EXOC4: variants seen among roughly 807,000 people sequenced by gnomAD.
EXOC4 encodes exocyst complex component 4.
A neutral mutation model predicts 107.2 loss-of-function variants in EXOC4; 71 were observed. The ratio of observed to expected loss-of-function variants is 0.66; its 90% confidence interval spans 0.55 to 0.81. The LOEUF (loss-of-function observed/expected upper bound fraction) is 0.81, where lower values mean the gene tolerates loss of function less well. Ranked by LOEUF, EXOC4 falls within the 30% of genes least tolerant of loss-of-function variation. EXOC4 has a pLI of 0.00. For synonymous variants in EXOC4, 456 were observed against 441.2 expected (o/e 1.03, Z -0.42); for missense variants, 1,108 against 1,189.6 (o/e 0.93, Z 1.01).
chr7:134,073,369 C>T, the EXOC4 span, among the ~76,000 whole-genome samples: 1 of 152,018 alleles, frequency 6.6e-6, no homozygotes, highest in South Asian at 2.1e-4. Flanking sequence ...ATTGTTTCAG[C>T]CCCCTCCCCA....
At chr7:133,885,269 G>T (rs1402719453) in intron 11 of EXOC4, among the ~76,000 whole-genome samples, 1 of 150,760 alleles carries the variant, frequency 6.6e-6, no homozygotes, top group Admixed American at 6.6e-5. Context: ...AGCCAAGATC[G>T]CGCTGCTGCA....
At chr7:133,944,877 A>G (rs1041606048) in intron 14 of EXOC4, among the ~76,000 whole-genome samples, 9 of 152,172 alleles carry the variant, frequency 5.9e-5, no homozygotes, top group Non-Finnish European at 1.2e-4. Context: ...AATGTATACA[A>G]CCATATTAAT....
chr7:134,019,294 T>C (rs1036812903), intron 17 of EXOC4, among the ~76,000 whole-genome samples: 2 of 152,176 alleles, frequency 1.3e-5, no homozygotes, highest in Non-Finnish European at 2.9e-5. Flanking sequence ...ATAGTTTTTG[T>C]ACCTAGCTTT....
chr7:133,947,655 C>T (rs1044927708), intron 14 of EXOC4, among the ~76,000 whole-genome samples: 4 of 152,192 alleles, frequency 2.6e-5, no homozygotes, highest in Non-Finnish European at 4.4e-5. Flanking sequence ...ACCCCACCCC[C>T]CTCCGTAAGG....
At chr7:133,724,530 T>C (rs1255352803) in intron 10 of EXOC4, among the ~76,000 whole-genome samples, 1 of 152,212 alleles carries the variant, frequency 6.6e-6, no homozygotes, top group Non-Finnish European at 1.5e-5. Flanking sequence ...TCTGGAGTTA[T>C]ATTAGTGACA....
chr7:133,658,478 C>T (rs1348673587), intron 10 of EXOC4, among the ~76,000 whole-genome samples: 3 of 152,162 alleles, frequency 2.0e-5, no homozygotes, highest in African/African-American at 7.2e-5. Flanking sequence ...TATGGCCAGG[C>T]TGCTATGGGG....
At chr7:133,847,875 A>ATTTTTTTT (rs55923568) in intron 11 of EXOC4, among the ~76,000 whole-genome samples, 4 of 85,036 alleles carry the variant, frequency 4.7e-5, no homozygotes, top group African/African-American at 1.1e-4. Context: ...TGCCCAGCTA[A>ATTTTTTTT]TTTTTTTTTT....
chr7:134,028,560 G>T (rs939033425), intron 17 of EXOC4, among the ~76,000 whole-genome samples: 1 of 152,206 alleles, frequency 6.6e-6, no homozygotes, highest in Non-Finnish European at 1.5e-5. Context: ...GGAGTTACTA[G>T]GTAGCCGCAG....
intron 10 of EXOC4, among the ~76,000 whole-genome samples, chr7:133,646,101 G>A (rs1562889816): frequency 6.6e-6 from 1 of 152,030 alleles, no homozygotes; most frequent in Non-Finnish European, 1.5e-5. Context: ...TTTGTTTAAC[G>A]TTGCCTGTCA....
chr7:133,745,054 G>C (rs1795645321), intron 10 of EXOC4, among the ~76,000 whole-genome samples: 1 of 152,142 alleles, frequency 6.6e-6, no homozygotes, highest in South Asian at 2.1e-4. Context: ...GATAATTTTT[G>C]AAAGTTCACT....
intron 9 of EXOC4, among the ~76,000 whole-genome samples, chr7:133,512,069 A>G (rs538993416): frequency 1.3e-5 from 2 of 152,222 alleles, no homozygotes; most frequent in Admixed American, 6.5e-5. Flanking sequence ...GGGGAAATGT[A>G]TATTAAGCAA....
In EXOC4 at chr7:133,530,140, A is replaced by G. The variant is rs182240612; in HGVS notation, c.1417+50002A>G. Among the ~76,000 whole-genome samples, 187 of 152,328 alleles carry G rather than the reference A, an allele frequency of 1.2e-3. 1 individual carries two copies. Among genetic ancestry groups the G allele is most frequent in the Middle Eastern group, 0.01 (3 of 294 alleles). On this transcript the variant is annotated intron_variant, in intron 9 of 17. Coordinates refer to ENST00000253861, the MANE Select transcript of EXOC4 (RefSeq NM_021807.4). Reference sequence around the variant, plus strand: ...AGCTCAGGCTCTCAATCACTACGCTACACTGCCGAGGAATGGCAGTTTAAG... The same window carrying G: ...AGCTCAGGCTCTCAATCACTACGCTGCACTGCCGAGGAATGGCAGTTTAAG...
At chr7:133,955,745 A>G (rs538911196) in intron 14 of EXOC4, among the ~76,000 whole-genome samples, 2 of 152,278 alleles carry the variant, frequency 1.3e-5, no homozygotes, top group East Asian at 3.9e-4. Context: ...TCAGCACCCC[A>G]TCTGCCTCCC....
the EXOC4 span, among the ~76,000 whole-genome samples, chr7:134,079,220 T>A: frequency 1.3e-5 from 2 of 152,282 alleles, no homozygotes; most frequent in Middle Eastern, 3.4e-3. Flanking sequence ...CAGGAAGCAC[T>A]CTCTGTCCCT....
intron 10 of EXOC4, among the ~76,000 whole-genome samples, chr7:133,712,162 G>A (rs959074027): frequency 5.9e-5 from 9 of 152,060 alleles, no homozygotes; most frequent in Admixed American, 1.3e-4. Context: ...CCCTCTGGCC[G>A]GACGCAGTGG....
At chr7:133,308,355 G>A (rs1370319976) in intron 4 of EXOC4, among the ~76,000 whole-genome samples, 1 of 152,172 alleles carries the variant, frequency 6.6e-6, no homozygotes, top group African/African-American at 2.4e-5. Context: ...GAGGTCATTT[G>A]TGTGGGCTCT....
At chr7:134,078,759 C>A in the EXOC4 span, among the ~76,000 whole-genome samples, 1 of 152,168 alleles carries the variant, frequency 6.6e-6, no homozygotes, top group African/African-American at 2.4e-5. Context: ...TAATAAAGCA[C>A]AAGGTACTAG....
rs372710019 is a variant in EXOC4, at chr7:134,049,560, T to G, written c.2688-14731T>G. Among the ~76,000 whole-genome samples the G allele has an allele frequency of 2.0e-5, 3 of 152,222 alleles. No individual in the cohort carries two copies. In the East Asian group the frequency reaches 5.8e-4, roughly 29 times the overall value. Reference sequence around the variant, plus strand: ...TATTTGCCTCATTGTTGACAACTTCTCCTTCTCTATTAAGCCTTCCCTGGC... The same window carrying G: ...TATTTGCCTCATTGTTGACAACTTCGCCTTCTCTATTAAGCCTTCCCTGGC... On this transcript the variant is annotated intron_variant, in intron 17 of 17. Transcript: ENST00000253861.
At chr7:133,261,682 C>T (rs1184522160) in intron 1 of EXOC4, among the ~76,000 whole-genome samples, 1 of 152,070 alleles carries the variant, frequency 6.6e-6, no homozygotes, top group Non-Finnish European at 1.5e-5. Context: ...CTTCTCAGGC[C>T]TTGTTTTATG....
Sources: gnomAD v4.1 joint callset for allele counts (sites outside exome capture counted in the v4.1 genomes callset) on GRCh38, gnomAD v4.1.1 for gene constraint, MANE v1.5 for transcripts, NCBI Gene and HGNC (gene_info 2026-07-23, HGNC 2026-07-21) for gene names.